The following GOLGA2 variants were observed in gnomAD, a reference collection of about 807,000 sequenced individuals.
GOLGA2 encodes the protein golgin A2.
A neutral mutation model predicts 148.8 loss-of-function variants in GOLGA2; 49 were observed. That is an observed-to-expected ratio of 0.33 (90% CI 0.26 to 0.42). The LOEUF (loss-of-function observed/expected upper bound fraction) is 0.42. Ranked by LOEUF, GOLGA2 falls within the 10% of genes least tolerant of loss-of-function variation. GOLGA2 has a pLI of 1.00. For missense variants in GOLGA2, 1,178 were observed against 1,304.6 expected (o/e 0.90, Z 1.49); for synonymous variants, 501 against 511.8 (o/e 0.98, Z 0.28).
chr9:128,264,523 T>G (rs1007375656), intron 12 of GOLGA2, among the ~76,000 whole-genome samples: 4 of 151,868 alleles, frequency 2.6e-5, no homozygotes, highest in Admixed American at 2.0e-4. Flanking sequence ...CGCCCCCGGG[T>G]TCAAGCAATT....
At chr9:128,267,539 A>G in intron 6 of GOLGA2, 22 bp from the exon 7 acceptor site, 2 of 1,583,876 alleles carry the variant, frequency 1.3e-6, no homozygotes, top group Non-Finnish European at 1.7e-6. Context: ...GAGAGTGCAC[A>G]TGGAGATGTT....
At chr9:128,273,555 G>T in intron 2 of GOLGA2, 1 of 475,320 alleles carries the variant, frequency 2.1e-6, no homozygotes, top group Non-Finnish European at 3.7e-6. Flanking sequence ...CATTTCCTGG[G>T]TGTCCTGGGT....
chr9:128,268,237 C>T (rs555044677), intron 4 of GOLGA2, 77 bp from the exon 5 acceptor site: 34 of 1,320,342 alleles, frequency 2.6e-5, no homozygotes, highest in Non-Finnish European at 3.7e-5. Context: ...GTCAAGCTCC[C>T]AAACTCATTC....
chr9:128,260,444 T>C lies in GOLGA2; in HGVS notation c.1758+21A>G, dbSNP rs1237739995. The C allele has an allele frequency of 1.3e-6, 2 of 1,577,372 alleles. No homozygotes were observed. Among genetic ancestry groups the C allele is most frequent in the Non-Finnish European group, 1.7e-6 (2 of 1,151,120 alleles). ...TGGAGGGCTAGGGAGGAGGGCGGGCTCTCCAGGTGGGGCAGCGCACCAGCT... is the reference window on the plus strand; with the variant it reads ...TGGAGGGCTAGGGAGGAGGGCGGGCCCTCCAGGTGGGGCAGCGCACCAGCT... On this transcript the variant is annotated intron_variant, in intron 18 of 26. Transcript: ENST00000611957. The surrounding 1 kb of genome is among the most constrained non-coding windows in gnomAD (Gnocchi z 4.8).
intron 7 of GOLGA2, 84 bp downstream of exon 7, chr9:128,267,374 C>G: frequency 1.4e-6 from 2 of 1,445,326 alleles, no homozygotes; most frequent in Non-Finnish European, 1.9e-6. Context: ...TCTCAGCTGG[C>G]AGAGGGGCAC....
In GOLGA2 at chr9:128,257,399, G is replaced by C. The variant is rs199663736; in HGVS notation, c.2845C>G (p.Gln949Glu). Residue 949 changes from glutamine (Q) to glutamate (E), a missense_variant, in exon 26 of 27, where the codon CAG becomes GAG. This residue lies in a region of GOLGA2 where 149 missense variants were observed against 154.9 expected (regional missense o/e 0.96). Transcript: ENST00000611957. The surrounding 1 kb of genome is among the most constrained non-coding windows in gnomAD (Gnocchi z 8.0). ...TGCTGGTTGGCAGCCCCAAGTTCCT[G>C]GGGGGCTGGGGCCCCTGAAGTGGGC... The part of the protein sequence containing the change: ...DEPTSGAPAP[Q>E]ELGAANQQGD... 3.1e-6 allele frequency: 5 copies of C among 1,612,976 alleles called. No homozygotes were observed. The highest frequency in any genetic ancestry group is 4.2e-6 in the Non-Finnish European group (5 of 1,179,966).
rs1264036658 is a variant in GOLGA2 at position 128,260,267 on chromosome 9, C to G, written c.1759-78G>C. 3 of 1,266,620 alleles carry G rather than the reference C, an allele frequency of 2.4e-6. No individual in the cohort carries two copies. Among genetic ancestry groups the G allele is most frequent in the Non-Finnish European group, 3.4e-6 (3 of 875,644 alleles). The allele number at this position is 1,266,620 out of a possible 1,614,324, so 78.5% of individuals were successfully genotyped here. A position where few individuals can be genotyped will look rare whatever the true frequency, so the allele number is the denominator to read the frequency against. ...ACTTGCTGCCTTGGTGTCTGCCTCC[C>G]ATGGCACCGGGAAGGGTGGAGGCAG... On this transcript the variant is annotated intron_variant, in intron 18 of 26. Transcript: ENST00000611957. This position sits in a 1 kb window ranked among gnomAD's most constrained non-coding sequence, Gnocchi z 4.8.
chr9:128,275,941 C>G lies in GOLGA2; in HGVS notation c.36G>C (p.Ala12=). Residue 12 remains alanine, a synonymous_variant, in exon 1 of 27, where the codon GCG becomes GCC. Coordinates refer to ENST00000611957, the MANE Select transcript of GOLGA2 (RefSeq NM_001366244.2). ...TGCTCTGTCGGGTTTCTTCCGACATCGCGGGGCGGGGAGGGAGGCGGGGTT... is the reference window on the plus strand; with the variant it reads ...TGCTCTGTCGGGTTTCTTCCGACATGGCGGGGCGGGGAGGGAGGCGGGGTT... ...WPQPRLPPRP[A]MSEETRQSKL... is the part of the protein sequence containing the mutation. 6.3e-7 allele frequency: 1 copy of G among 1,593,090 alleles called. No homozygotes were observed. The highest frequency in any genetic ancestry group is 1.1e-5 in the South Asian group (1 of 89,756).
Position 128,272,853 on chromosome 9 carries a change from G to C in GOLGA2, c.220C>G (p.Leu74Val). The C allele has an allele frequency of 7.8e-7, 1 of 1,274,734 alleles. No individual in the cohort carries two copies. The highest frequency in any genetic ancestry group is 1.0e-6 in the Non-Finnish European group (1 of 977,212). The allele number at this position is 1,274,734 out of a possible 1,614,324, so 79.0% of individuals were successfully genotyped here. A position where few individuals can be genotyped will look rare whatever the true frequency, so the allele number is the denominator to read the frequency against. ...CHSPEDIQDI[L>V]KVLVSDLNRS... ...TTAAGGTCGGACACCAGCACCTTCA[G>C]AATGTCCTGAATCTACAGGAGGCGA... is the stretch of plus-strand genomic sequence containing the variant. Residue 74 changes from leucine (L) to valine (V), a missense_variant, in exon 3 of 27, where the codon CTG becomes GTG. Physicochemically the swap from Leu to Val is conservative, Grantham distance 32. This residue lies in a region of GOLGA2 where 158 missense variants were observed against 156.6 expected (regional missense o/e 1.01). Transcript: ENST00000611957.
chr9:128,259,126 G>C (rs1421330282), intron 20 of GOLGA2, 41 bp downstream of exon 20: 6 of 1,601,092 alleles, frequency 3.7e-6, no homozygotes, highest in Middle Eastern at 1.7e-4. Flanking sequence ...GAGGTTGCCA[G>C]GTTGTCCCCC....
chr9:128,260,506 T>C lies in GOLGA2; in HGVS notation c.1717A>G (p.Lys573Glu), dbSNP rs1252085397. ...CTCTGCAGCTCAGCCAGCTGCTCCTTGAGCTCCCGGTTCTGGGAGAGTGCG... is the reference window on the plus strand; with the variant it reads ...CTCTGCAGCTCAGCCAGCTGCTCCTCGAGCTCCCGGTTCTGGGAGAGTGCG... The part of the protein sequence containing the change: ...SRALSQNREL[K>E]EQLAELQSGF... The change falls in exon 18 of 27, where the codon AAG becomes GAG. Residue 573 changes from lysine to glutamate, a missense_variant. Physicochemically the swap from Lys to Glu is moderately conservative, Grantham distance 56. Around this residue, in one of 5 missense-constraint regions of GOLGA2, gnomAD observed 529 missense variants for 521.8 expected, o/e 1.01. Transcript: ENST00000611957. The surrounding 1 kb of genome is among the most constrained non-coding windows in gnomAD (Gnocchi z 4.8). 1 of 1,612,778 alleles carries C rather than the reference T, an allele frequency of 6.2e-7. No homozygotes were observed. Among genetic ancestry groups the C allele is most frequent in the Non-Finnish European group, 8.5e-7 (1 of 1,179,304 alleles).
Position 128,261,224 on chromosome 9 carries a change from C to T in GOLGA2, c.1368G>A (p.Met456Ile), listed in dbSNP as rs1211215333. The change falls in exon 17 of 27, where the codon ATG (methionine) becomes ATA (isoleucine). Residue 456 changes from methionine (M) to isoleucine (I), a missense_variant. Around this residue, in one of 5 missense-constraint regions of GOLGA2, gnomAD observed 529 missense variants for 521.8 expected, o/e 1.01. Transcript: ENST00000611957. The surrounding 1 kb of genome is among the most constrained non-coding windows in gnomAD (Gnocchi z 5.7). ...TCGTCTCCAGCTCCTGTACCCGACT[C>T]ATGCTACATTCCTTCTCCTCTCTCA... ...HTLREEKECS[M>I]SRVQELETSL... The T allele has an allele frequency of 6.2e-7, 1 of 1,614,066 alleles. No individual in the cohort carries two copies. The highest frequency in any genetic ancestry group is 8.5e-7 in the Non-Finnish European group (1 of 1,179,932).
chr9:128,261,550 C>A lies in GOLGA2; in HGVS notation c.1236G>T (p.Ser412=), dbSNP rs143284125. Residue 412 remains serine, a synonymous_variant, in exon 16 of 27, where the codon TCG becomes TCT. Coordinates refer to ENST00000611957, the MANE Select transcript of GOLGA2 (RefSeq NM_001366244.2). This position sits in a 1 kb window ranked among gnomAD's most constrained non-coding sequence, Gnocchi z 5.7. ...LEAHLGQVME[S]VRQLQMERDK... is the part of the protein sequence containing the mutation. ...CTCTCTCCATTTGTAGTTGTCTAAC[C>A]GACTCCATTACCTGCAAGAATGGCC... 8.7e-6 allele frequency: 14 copies of A among 1,600,296 alleles called. No homozygotes were observed. The Admixed American group carries it at 2.3e-4, about 27-fold the overall frequency.
At chr9:128,265,416 C>T (rs1830531265) in intron 12 of GOLGA2, among the ~76,000 whole-genome samples, 169 bp downstream of exon 12, 2 of 152,236 alleles carry the variant, frequency 1.3e-5, no homozygotes, top group South Asian at 2.1e-4. Flanking sequence ...TCACCCACAG[C>T]AGCTGACTCA....
Position 128,261,318 on chromosome 9 carries a change from C to T in GOLGA2, c.1333-59G>A. The T allele has an allele frequency of 7.1e-7, 1 of 1,408,182 alleles. No homozygotes were observed. 87.2% of individuals were successfully genotyped at this position (1,408,182 alleles called of 1,614,324 possible). Reference sequence around the variant, plus strand: ...AGGGGCTGGTGGCTGGACAGGCTACCATCTCCCTCTGCCCCCACCGCCACA... The same window carrying T: ...AGGGGCTGGTGGCTGGACAGGCTACTATCTCCCTCTGCCCCCACCGCCACA... On this transcript the variant is annotated intron_variant, in intron 16 of 26. Coordinates refer to ENST00000611957, the MANE Select transcript of GOLGA2 (RefSeq NM_001366244.2). The surrounding 1 kb of genome is among the most constrained non-coding windows in gnomAD (Gnocchi z 5.7).
At chr9:128,275,411 G>C in intron 1 of GOLGA2, 2 of 1,294,488 alleles carry the variant, frequency 1.5e-6, no homozygotes. Context: ...CTCCGCGATG[G>C]GGGAGGGGAC....
chr9:128,267,038 C>T (rs1028075336), intron 8 of GOLGA2, 156 bp downstream of exon 8: 3 of 677,590 alleles, frequency 4.4e-6, no homozygotes, highest in Non-Finnish European at 8.1e-6. Context: ...GCTGCATGCT[C>T]CGTGCTCTGG....
chr9:128,263,195 C>T (rs1325157969), intron 12 of GOLGA2, 103 bp from the exon 13 acceptor site: 4 of 758,434 alleles, frequency 5.3e-6, no homozygotes, highest in Admixed American at 1.7e-5. Flanking sequence ...CACTTCCTCA[C>T]TCTCAATCAC....
chr9:128,258,181 T>C lies in GOLGA2; in HGVS notation c.2307A>G (p.Ser769=), dbSNP rs753234114. The part of the protein sequence containing the change: ...SREAMVAFFN[S]AVASAEEEQA... ...GCTCCTCCTCGGCACTGGCTACAGC[T>C]GAGTTGAAAAATGCCACCTGCAGGC... is the stretch of plus-strand genomic sequence containing the variant. Residue 769 remains serine (S), a synonymous_variant, in exon 23 of 27, where the codon TCA becomes TCG. Transcript: ENST00000611957. This position sits in a 1 kb window ranked among gnomAD's most constrained non-coding sequence, Gnocchi z 6.6. The C allele has an allele frequency of 6.3e-7, 1 of 1,597,076 alleles. No homozygotes were observed. Among genetic ancestry groups the C allele is most frequent in the East Asian group, 2.3e-5 (1 of 44,418 alleles).
Sources: gnomAD v4.1 joint callset for allele counts (sites outside exome capture counted in the v4.1 genomes callset) on GRCh38, gnomAD v4.1.1 for gene constraint, gnomAD v4.1.1 regional missense constraint, Gnocchi (gnomAD v3.1) non-coding constraint, MANE v1.5 for transcripts, NCBI Gene and HGNC (gene_info 2026-07-23, HGNC 2026-07-21) for gene names.